Variants in OLFM3 observed in about 807,000 individuals in gnomAD.
The protein encoded by OLFM3 is noelin-3.
Under a neutral mutation model 48.6 loss-of-function variants are expected in OLFM3, and 20 were observed. That is an observed-to-expected ratio of 0.41 (90% CI 0.29 to 0.60). The LOEUF is 0.60. OLFM3 is among the 20% of genes least tolerant of loss of function. OLFM3 has a pLI of 0.28. For missense variants in OLFM3, 437 were observed against 544.3 expected, an observed-to-expected ratio of 0.80 and a Z score of 1.96; for synonymous variants, 222 against 198.1, an observed-to-expected ratio of 1.12 and a Z score of -1.01.
At position 101,834,594 on chromosome 1, in the gene OLFM3, T is replaced by G. The variant is rs1655312166; in HGVS notation, c.216+2285A>C. On this transcript the variant is annotated intron_variant, in intron 2 of 5. Coordinates refer to ENST00000370103, the MANE Select transcript of OLFM3 (RefSeq NM_058170.4). ...TCTTTGGATCAGTGCAGCAAACCAG[T>G]GCTACTTAACCTCCTTCAGGCCACT... is the stretch of plus-strand genomic sequence containing the variant. 3.3e-5 allele frequency among the ~76,000 whole-genome samples: 5 copies of G among 152,338 alleles called. No homozygotes were observed. The South Asian group carries it at 8.3e-4, about 25-fold the overall frequency.
chr1:101,816,062 G>T (rs980355288), intron 4 of OLFM3, among the ~76,000 whole-genome samples: 2 of 152,184 alleles, frequency 1.3e-5, no homozygotes, highest in Non-Finnish European at 2.9e-5. Flanking sequence ...GAAGGATATA[G>T]TACTGACCTG....
At chr1:101,855,108 T>C (rs1656363108) in intron 1 of OLFM3, among the ~76,000 whole-genome samples, 1 of 152,094 alleles carries the variant, frequency 6.6e-6, no homozygotes, top group Non-Finnish European at 1.5e-5. Context: ...TATTCATCTT[T>C]CTAATATGGT....
intron 1 of OLFM3, among the ~76,000 whole-genome samples, chr1:101,889,030 A>G (rs1365342575): frequency 6.6e-6 from 1 of 152,180 alleles, no homozygotes; most frequent in Non-Finnish European, 1.5e-5. Context: ...GTGGAGAAAT[A>G]GGAACACTTT....
chr1:101,885,183 A>T (rs1657698750), intron 1 of OLFM3, among the ~76,000 whole-genome samples: 1 of 152,018 alleles, frequency 6.6e-6, no homozygotes, highest in Non-Finnish European at 1.5e-5. Context: ...TATGGCAAAA[A>T]AAGGTGGCGA....
intron 1 of OLFM3, chr1:101,846,945 G>T (rs1656024505): frequency 6.2e-7 from 1 of 1,612,272 alleles, no homozygotes; most frequent in African/African-American, 1.3e-5. Context: ...ACTAAGCACA[G>T]CGCCAAGCTT....
intron 3 of OLFM3, among the ~76,000 whole-genome samples, chr1:101,827,563 C>A (rs976550407): frequency 1.3e-5 from 2 of 152,050 alleles, no homozygotes; most frequent in Admixed American, 1.3e-4. Flanking sequence ...TACTTTGGAA[C>A]GTTCCATTTC....
At chr1:101,878,390 G>C (rs1412805286) in intron 1 of OLFM3, among the ~76,000 whole-genome samples, 2 of 151,900 alleles carry the variant, frequency 1.3e-5, no homozygotes, top group African/African-American at 4.8e-5. Flanking sequence ...TTACTATGTA[G>C]AGTCCACAAA....
intron 1 of OLFM3, among the ~76,000 whole-genome samples, chr1:101,973,067 T>C (rs993937226): frequency 7.2e-5 from 11 of 152,234 alleles, no homozygotes; most frequent in African/African-American, 2.7e-4. Context: ...TATAGTGCTA[T>C]GGGGCTGTAT....
At chr1:101,818,347 T>A (rs1185122126) in intron 4 of OLFM3, among the ~76,000 whole-genome samples, 4 of 152,086 alleles carry the variant, frequency 2.6e-5, no homozygotes, top group African/African-American at 9.7e-5. Context: ...TGATAAAATT[T>A]ACCAATTACC....
At position 101,804,711 on chromosome 1, in the gene OLFM3, C is replaced by T. The variant is rs765624995; in HGVS notation, c.904G>A (p.Val302Met). 1 of 1,612,612 alleles carries T rather than the reference C, an allele frequency of 6.2e-7. No homozygotes were observed. The highest frequency in any genetic ancestry group is 8.5e-7 in the Non-Finnish European group (1 of 1,179,162). The change falls in exon 6 of 6, where the codon GTG becomes ATG. Residue 302 changes from valine (V) to methionine (M), a missense_variant. Physicochemically the swap from Val to Met is conservative, Grantham distance 21. Transcript: ENST00000370103. This position sits in a 1 kb window ranked among gnomAD's most constrained non-coding sequence, Gnocchi z 4.5. Reference protein sequence around the residue: ...IIKYSFDMGRVLAQRSLEYAG... With the variant: ...IIKYSFDMGRMLAQRSLEYAG... ...TACTCCAGGCTTCGTTGGGCAAGCA[C>T]TCTCCCCATATCAAAGCTGTATTTG...
At chr1:101,975,973 G>A (rs1333117086) in intron 1 of OLFM3, among the ~76,000 whole-genome samples, 2 of 152,150 alleles carry the variant, frequency 1.3e-5, no homozygotes, top group African/African-American at 4.8e-5. Context: ...AGGATTTTCT[G>A]CAAGTTAACA....
At chr1:101,985,404 C>A (rs1661207923) in intron 1 of OLFM3, among the ~76,000 whole-genome samples, 1 of 151,980 alleles carries the variant, frequency 6.6e-6, no homozygotes, top group South Asian at 2.1e-4. Flanking sequence ...TATATTTTGC[C>A]AAAAAACCAT....
intron 1 of OLFM3, among the ~76,000 whole-genome samples, chr1:101,995,982 T>C (rs558091349): frequency 6.6e-6 from 1 of 152,224 alleles, no homozygotes; most frequent in Non-Finnish European, 1.5e-5. Flanking sequence ...TGTCCATATT[T>C]TCCTGTCTTT....
At chr1:101,929,594 T>C (rs1659382635) in intron 1 of OLFM3, among the ~76,000 whole-genome samples, 2 of 152,132 alleles carry the variant, frequency 1.3e-5, no homozygotes, top group Non-Finnish European at 1.5e-5. Flanking sequence ...ATTCAGGTAA[T>C]TCACATGAAT....
intron 1 of OLFM3, among the ~76,000 whole-genome samples, chr1:101,973,205 AG>A (rs1470721723): frequency 1.3e-5 from 2 of 152,232 alleles, no homozygotes; most frequent in African/African-American, 4.8e-5. Context: ...GTGGAGAAAT[AG>A]GAAACCCAGT....
intron 1 of OLFM3, among the ~76,000 whole-genome samples, chr1:101,933,454 T>TA (rs1336874396): frequency 6.6e-6 from 1 of 151,324 alleles, no homozygotes; most frequent in African/African-American, 2.4e-5. Context: ...CTCCAAGAAA[T>TA]ATGGAACTAT....
chr1:101,968,703 T>C (rs982070671), intron 1 of OLFM3, among the ~76,000 whole-genome samples: 1 of 152,188 alleles, frequency 6.6e-6, no homozygotes, highest in African/African-American at 2.4e-5. Context: ...TCACACTATA[T>C]AAAATTGTCC....
chr1:101,918,555 C>G (rs1246523120), intron 1 of OLFM3, among the ~76,000 whole-genome samples: 2 of 88,092 alleles, frequency 2.3e-5, no homozygotes, highest in Non-Finnish European at 4.4e-5. Context: ...CTCTGACTCT[C>G]CTTCCTCCTT....
At chr1:101,925,071 C>T (rs1659225989) in intron 1 of OLFM3, among the ~76,000 whole-genome samples, 1 of 151,934 alleles carries the variant, frequency 6.6e-6, no homozygotes, top group Non-Finnish European at 1.5e-5. Flanking sequence ...ATGCATTTCT[C>T]ATGAATAAGG....
Sources: gnomAD v4.1 joint callset for allele counts (sites outside exome capture counted in the v4.1 genomes callset) on GRCh38, gnomAD v4.1.1 for gene constraint, Gnocchi (gnomAD v3.1) non-coding constraint, MANE v1.5 for transcripts, NCBI Gene and HGNC (gene_info 2026-07-23, HGNC 2026-07-21) for gene names.